The following NTRK2 variants were observed in gnomAD, a reference collection of about 807,000 sequenced individuals.
NTRK2 encodes the protein BDNF/NT-3 growth factors receptor.
Under a neutral mutation model 94.5 loss-of-function variants are expected in NTRK2, and 13 were observed. The observed-to-expected ratio is 0.14, with a 90% CI of 0.09 to 0.22. NTRK2 has a LOEUF of 0.22. Ranked by LOEUF, NTRK2 falls within the 10% of genes least tolerant of loss-of-function variation. The probability of loss-of-function intolerance (pLI) is 1.00; values close to 1 mark genes in which losing one functional copy is unlikely to be tolerated. For synonymous variants in NTRK2, 372 were observed against 407.4 expected, an observed-to-expected ratio of 0.91 and a Z score of 1.05; for missense variants, 639 against 1,071.2, an observed-to-expected ratio of 0.60 and a Z score of 5.63.
At chr9:84,791,090 G>A (rs546622381) in intron 12 of NTRK2, among the ~76,000 whole-genome samples, 9 of 152,236 alleles carry the variant, frequency 5.9e-5, no homozygotes, top group East Asian at 1.9e-4. Flanking sequence ...GCTTTTTAAC[G>A]CTGATACTGA....
chr9:84,684,309 G>A (rs1042929951), intron 2 of NTRK2, among the ~76,000 whole-genome samples: 2 of 152,150 alleles, frequency 1.3e-5, no homozygotes, highest in South Asian at 4.1e-4. Flanking sequence ...TTTTCTTCTA[G>A]GGTTTTTATG....
At chr9:84,900,494 C>T (rs2076894519) in intron 14 of NTRK2, among the ~76,000 whole-genome samples, 1 of 152,174 alleles carries the variant, frequency 6.6e-6, no homozygotes, top group African/African-American at 2.4e-5. Flanking sequence ...ATGAAAAGTA[C>T]TGAGAATACT....
At chr9:84,809,449 TATA>T (rs2071501743) in intron 12 of NTRK2, among the ~76,000 whole-genome samples, 1 of 148,918 alleles carries the variant, frequency 6.7e-6, no homozygotes, top group African/African-American at 2.4e-5. Context: ...GTCTTATAGA[TATA>T]ATATATACAT....
chr9:85,004,709 G>A (rs1830768248), intron 17 of NTRK2, among the ~76,000 whole-genome samples: 1 of 152,190 alleles, frequency 6.6e-6, no homozygotes, highest in Non-Finnish European at 1.5e-5. Context: ...TCAGGGCTAT[G>A]AGATCTTCTC....
At chr9:84,746,815 C>T (rs1354948066) in intron 11 of NTRK2, among the ~76,000 whole-genome samples, 1 of 152,164 alleles carries the variant, frequency 6.6e-6, no homozygotes, top group African/African-American at 2.4e-5. Flanking sequence ...AGCCATTGCC[C>T]ACTTCCATTT....
At chr9:84,814,050 C>G (rs2072107037) in intron 12 of NTRK2, 1 of 1,064,872 alleles carries the variant, frequency 9.4e-7, no homozygotes, top group Non-Finnish European at 1.1e-6. Context: ...TCTCAACACA[C>G]ATTAGAGATA....
intron 17 of NTRK2, among the ~76,000 whole-genome samples, chr9:84,968,997 G>A (rs531601227): frequency 2.0e-5 from 3 of 152,272 alleles, no homozygotes; most frequent in Non-Finnish European, 2.9e-5. Flanking sequence ...ATACATTGAC[G>A]TCACATTTTC....
At chr9:84,744,935 C>T (rs2063933962) in intron 10 of NTRK2, 38 bp from the exon 11 acceptor site, 1 of 1,427,716 alleles carries the variant, frequency 7.0e-7, no homozygotes, top group Non-Finnish European at 9.9e-7. Flanking sequence ...TTAATGACAA[C>T]TTCATGTTCT....
At chr9:84,979,882 T>A (rs553369126) in intron 17 of NTRK2, among the ~76,000 whole-genome samples, 3 of 152,352 alleles carry the variant, frequency 2.0e-5, no homozygotes, top group African/African-American at 7.2e-5. Flanking sequence ...CGGGTTCAGA[T>A]GATTGTTAGC....
chr9:84,943,706 A>G (rs2078491537), intron 15 of NTRK2, among the ~76,000 whole-genome samples: 1 of 152,176 alleles, frequency 6.6e-6, no homozygotes, highest in African/African-American at 2.4e-5. Context: ...GTGCATTGCC[A>G]AGGGACTCAG....
intron 12 of NTRK2, among the ~76,000 whole-genome samples, chr9:84,784,100 C>T (rs2067885635): frequency 6.6e-6 from 1 of 152,114 alleles, no homozygotes; most frequent in Non-Finnish European, 1.5e-5. Context: ...TTGAAAGAAG[C>T]TGTATGGCCT....
At chr9:84,791,045 T>G (rs1382363633) in intron 12 of NTRK2, among the ~76,000 whole-genome samples, 1 of 152,234 alleles carries the variant, frequency 6.6e-6, no homozygotes, top group Non-Finnish European at 1.5e-5. Flanking sequence ...GTTGACTTTT[T>G]TAGAATAAAG....
chr9:85,003,328 C>T (rs1830530625), intron 17 of NTRK2, among the ~76,000 whole-genome samples: 1 of 152,190 alleles, frequency 6.6e-6, no homozygotes, highest in Non-Finnish European at 1.5e-5. Context: ...GTTTATACCG[C>T]TGCTCAGCAC....
chr9:84,961,991 T>G (rs1824995625), intron 17 of NTRK2, among the ~76,000 whole-genome samples: 1 of 152,230 alleles, frequency 6.6e-6, no homozygotes, highest in Non-Finnish European at 1.5e-5. Flanking sequence ...GAGTGGGGTC[T>G]TCTTTGCTAT....
rs187366360 is a variant in NTRK2, at chr9:84,935,075, A to C, written c.1764+783A>C. Among the ~76,000 whole-genome samples the C allele has an allele frequency of 5.3e-5, 8 of 152,312 alleles. No homozygotes were observed. The East Asian group carries it at 1.3e-3, about 26-fold the overall frequency. On this transcript the variant is annotated intron_variant, in intron 15 of 18. Coordinates refer to ENST00000277120, the MANE Select transcript of NTRK2 (RefSeq NM_006180.6). Reference sequence around the variant, plus strand: ...CAAAAAATTTTTAACTCACCAAAATAATGGGTAATATATATTTAAAACACT... The same window carrying C: ...CAAAAAATTTTTAACTCACCAAAATCATGGGTAATATATATTTAAAACACT...
chr9:84,873,180 T>G, intron 14 of NTRK2: 1 of 1,063,004 alleles, frequency 9.4e-7, no homozygotes, highest in Non-Finnish European at 1.1e-6. Context: ...AACAATTGCT[T>G]TAGCGCTTCC....
intron 2 of NTRK2, among the ~76,000 whole-genome samples, chr9:84,699,731 A>T (rs2060606389): frequency 7.0e-6 from 1 of 141,906 alleles, no homozygotes; most frequent in Non-Finnish European, 1.6e-5. Context: ...ATATCTCTTT[A>T]TTTTTAATTT....
intron 16 of NTRK2, 62 bp from the exon 17 acceptor site, chr9:84,955,221 C>T: frequency 1.4e-6 from 2 of 1,396,152 alleles, no homozygotes; most frequent in African/African-American, 1.4e-5. Flanking sequence ...GGGGCAGGGG[C>T]AAAGGGCCCC....
chr9:84,967,619 G>A (rs1309595438), intron 17 of NTRK2, among the ~76,000 whole-genome samples: 3 of 152,254 alleles, frequency 2.0e-5, no homozygotes, highest in African/African-American at 7.2e-5. Context: ...TGGAGAACAT[G>A]ACGCTGGGCT....
Sources: gnomAD v4.1 joint callset for allele counts (sites outside exome capture counted in the v4.1 genomes callset) on GRCh38, gnomAD v4.1.1 for gene constraint, MANE v1.5 for transcripts, NCBI Gene and HGNC (gene_info 2026-07-23, HGNC 2026-07-21) for gene names.